Variants in ATRNL1 observed in about 807,000 individuals in gnomAD.
The protein encoded by ATRNL1 is attractin like 1.
A neutral mutation model predicts 182.7 loss-of-function variants in ATRNL1; 95 were observed. That is an observed-to-expected ratio of 0.52 (90% CI 0.44 to 0.62). The LOEUF (loss-of-function observed/expected upper bound fraction) is 0.62. Ranked by LOEUF, ATRNL1 falls within the 20% of genes least tolerant of loss-of-function variation. The pLI is 0.00. For synonymous variants in ATRNL1, 576 were observed against 568.3 expected, an observed-to-expected ratio of 1.01 and a Z score of -0.19; for missense variants, 1,471 against 1,679.5, an observed-to-expected ratio of 0.88 and a Z score of 2.17.
intron 24 of ATRNL1, among the ~76,000 whole-genome samples, chr10:115,485,233 T>G (rs1216969100): frequency 2.6e-5 from 4 of 152,170 alleles, no homozygotes; most frequent in Admixed American, 2.0e-4. Context: ...TTTGAAACCA[T>G]AGTAGAATTT....
intron 5 of ATRNL1, among the ~76,000 whole-genome samples, chr10:115,143,541 T>A (rs1264795): frequency 0.35 from 53,789 of 151,996 alleles, 9,959 homozygotes; most frequent in African/African-American, 0.45. Flanking sequence ...CTTAAACAAT[T>A]GGCATTTATT....
At chr10:115,201,978 A>T (rs1848600324) in intron 8 of ATRNL1, among the ~76,000 whole-genome samples, 1 of 151,884 alleles carries the variant, frequency 6.6e-6, no homozygotes, top group Admixed American at 6.6e-5. Context: ...TAAGTATTTT[A>T]TTCTCTTTGA....
intron 21 of ATRNL1, among the ~76,000 whole-genome samples, chr10:115,451,720 A>G (rs1847291470): frequency 6.6e-6 from 1 of 152,144 alleles, no homozygotes; most frequent in Non-Finnish European, 1.5e-5. Flanking sequence ...CAAAGAGCCA[A>G]AAGCAGAACT....
rs149137161 is a variant in ATRNL1, at chr10:115,462,878, G to A, written c.3417+843G>A. 4.7e-3 allele frequency among the ~76,000 whole-genome samples: 708 copies of A among 151,894 alleles called. 6 individuals are homozygous for A. Among genetic ancestry groups the A allele is most frequent in the African/African-American group, 0.016 (667 of 41,468 alleles). ...CAGGTAAAGACTCTTAGGTTGTGTC[G>A]AAATAACACACATATTTTGCTATCC... On this transcript the variant is annotated intron_variant, in intron 22 of 28. Coordinates refer to ENST00000355044, the MANE Select transcript of ATRNL1 (RefSeq NM_207303.4).
chr10:115,713,263 A>C (rs1199012830), intron 26 of ATRNL1, among the ~76,000 whole-genome samples: 3 of 152,180 alleles, frequency 2.0e-5, no homozygotes, highest in Non-Finnish European at 4.4e-5. Context: ...TTTTAAATTC[A>C]ACAAATATTT....
chr10:115,869,462 T>A (rs906861944), intron 28 of ATRNL1, among the ~76,000 whole-genome samples: 1 of 152,144 alleles, frequency 6.6e-6, no homozygotes, highest in Non-Finnish European at 1.5e-5. Context: ...CATGCCTGCA[T>A]GCACAGGTGC....
intron 18 of ATRNL1, among the ~76,000 whole-genome samples, chr10:115,321,176 G>A (rs1475690674): frequency 6.6e-6 from 1 of 151,952 alleles, no homozygotes; most frequent in African/African-American, 2.4e-5. Flanking sequence ...GGTTTGCTGG[G>A]GGTTCACTTC....
chr10:115,506,770 C>A (rs1463619954), intron 24 of ATRNL1, among the ~76,000 whole-genome samples: 2 of 151,942 alleles, frequency 1.3e-5, no homozygotes, highest in Non-Finnish European at 1.5e-5. Context: ...CCTATTGGAG[C>A]CATAATGTTT....
chr10:115,310,810 A>C (rs1031045778), intron 17 of ATRNL1, among the ~76,000 whole-genome samples: 1 of 151,966 alleles, frequency 6.6e-6, no homozygotes, highest in African/African-American at 2.4e-5. Context: ...GTTGCTTTCA[A>C]TTTTATTTAG....
At chr10:115,859,742 T>C (rs1015898426) in intron 28 of ATRNL1, among the ~76,000 whole-genome samples, 1 of 152,188 alleles carries the variant, frequency 6.6e-6, no homozygotes, top group Non-Finnish European at 1.5e-5. Flanking sequence ...AATGGTGCCA[T>C]AGTATCTACC....
At chr10:115,341,026 A>G (rs1050690127) in intron 19 of ATRNL1, among the ~76,000 whole-genome samples, 1 of 150,724 alleles carries the variant, frequency 6.6e-6, no homozygotes, top group Admixed American at 6.6e-5. Context: ...TTTCAATTTT[A>G]TTATTTCTGC....
At chr10:115,322,058 G>A (rs1854610235) in intron 18 of ATRNL1, among the ~76,000 whole-genome samples, 1 of 151,842 alleles carries the variant, frequency 6.6e-6, no homozygotes, top group South Asian at 2.1e-4. Flanking sequence ...TTTAACCAAG[G>A]AGATGAAAGA....
At chr10:115,365,892 G>A (rs1158696104) in intron 19 of ATRNL1, among the ~76,000 whole-genome samples, 2 of 152,124 alleles carry the variant, frequency 1.3e-5, no homozygotes, top group South Asian at 2.1e-4. Flanking sequence ...GAGATAGTTT[G>A]TTATAATCTC....
At chr10:115,536,767 A>G (rs1852046221) in intron 25 of ATRNL1, among the ~76,000 whole-genome samples, 1 of 152,168 alleles carries the variant, frequency 6.6e-6, no homozygotes, top group South Asian at 2.1e-4. Flanking sequence ...CCTCCCAAAA[A>G]TAAGACATTT....
At chr10:115,787,169 G>A (rs1241684365) in intron 27 of ATRNL1, among the ~76,000 whole-genome samples, 3 of 152,166 alleles carry the variant, frequency 2.0e-5, no homozygotes, top group African/African-American at 7.2e-5. Context: ...TGTGTAAGCT[G>A]CTAGTGATTT....
intron 5 of ATRNL1, among the ~76,000 whole-genome samples, chr10:115,137,059 TC>T (rs1845546038): frequency 6.6e-6 from 1 of 152,184 alleles, no homozygotes; most frequent in African/African-American, 2.4e-5. Flanking sequence ...TTCAAAGTAC[TC>T]TGTTTTATAT....
At chr10:115,202,181 G>T (rs1175522201) in intron 8 of ATRNL1, among the ~76,000 whole-genome samples, 1 of 151,952 alleles carries the variant, frequency 6.6e-6, no homozygotes, top group African/African-American at 2.4e-5. Context: ...CTGCAAACAG[G>T]GACAATTTGA....
At chr10:115,125,116 T>G (rs1357974093) in intron 3 of ATRNL1, among the ~76,000 whole-genome samples, 2 of 152,168 alleles carry the variant, frequency 1.3e-5, no homozygotes, top group Non-Finnish European at 2.9e-5. Flanking sequence ...GTAACTTGAT[T>G]GTAGGAACTG....
chr10:115,544,644 C>T (rs1193970543), intron 25 of ATRNL1, among the ~76,000 whole-genome samples: 4 of 152,214 alleles, frequency 2.6e-5, no homozygotes, highest in South Asian at 2.1e-4. Context: ...TCCCCTGACC[C>T]GAATACCAGG....
Sources: allele counts gnomAD v4.1 joint callset (sites outside exome capture counted in the v4.1 genomes callset), GRCh38; gene constraint gnomAD v4.1.1; transcripts MANE v1.5; gene names NCBI Gene and HGNC (gene_info 2026-07-23, HGNC 2026-07-21).